GARIN2: variants seen among roughly 807,000 people sequenced by gnomAD.
The protein encoded by GARIN2 is Golgi-associated RAB2 interactor protein 2.
the GARIN2 span, among the ~76,000 whole-genome samples, chr14:67,193,940 G>A: frequency 2.1e-3 from 161 of 77,974 alleles, no homozygotes; most frequent in African/African-American, 0.014. Flanking sequence ...GCAAGACCCT[G>A]TCTCAAAAAA....
chr14:67,221,899 A>G, the GARIN2 span: 5 of 1,506,936 alleles, frequency 3.3e-6, no homozygotes, highest in Middle Eastern at 1.7e-4. Flanking sequence ...GCTAAGAGCA[A>G]AGGAATTCAG....
chr14:67,212,161 G>A, the GARIN2 span, among the ~76,000 whole-genome samples: 3 of 152,138 alleles, frequency 2.0e-5, no homozygotes, highest in African/African-American at 7.2e-5. Flanking sequence ...TACATTGTAA[G>A]GTTCTGAGAA....
the GARIN2 span, chr14:67,224,945 T>A: frequency 1.8e-6 from 1 of 565,708 alleles, no homozygotes; most frequent in East Asian, 3.4e-5. Context: ...TTGCAAAGAA[T>A]AAATACATTT....
the GARIN2 span, chr14:67,199,228 A>G: frequency 6.2e-7 from 1 of 1,604,876 alleles, no homozygotes; most frequent in African/African-American, 1.3e-5. Flanking sequence ...CACCAAGGCT[A>G]TGACTTTGTG....
At chr14:67,189,853 T>TG in the GARIN2 span, 1 of 147,178 alleles carries the variant, frequency 6.8e-6, no homozygotes, top group East Asian at 2.0e-4. Context: ...TTTTTTTTTT[T>TG]TTTTTGAGAC....
chr14:67,226,860 CTTG>C, the GARIN2 span, among the ~76,000 whole-genome samples: 2 of 152,182 alleles, frequency 1.3e-5, no homozygotes, highest in African/African-American at 2.4e-5. Flanking sequence ...TTCCCCTTAA[CTTG>C]TTGTATGGTG....
chr14:67,213,942 T>G, the GARIN2 span, among the ~76,000 whole-genome samples: 1 of 152,362 alleles, frequency 6.6e-6, no homozygotes, highest in East Asian at 1.9e-4. Context: ...TTCATGTGTT[T>G]TTTGGCTGCA....
the GARIN2 span, among the ~76,000 whole-genome samples, chr14:67,215,919 C>A: frequency 0.15 from 22,529 of 152,090 alleles, 3,122 homozygotes; most frequent in East Asian, 0.42. Flanking sequence ...TCTTTCCTTG[C>A]CCAAAACAAA....
the GARIN2 span, among the ~76,000 whole-genome samples, chr14:67,218,778 GTC>G: frequency 5.3e-5 from 8 of 151,946 alleles, no homozygotes; most frequent in African/African-American, 1.9e-4. Context: ...AGGTTCAGGG[GTC>G]TCTCTCATTT....
the GARIN2 span, chr14:67,199,791 C>T: frequency 6.6e-7 from 1 of 1,524,784 alleles, no homozygotes; most frequent in Non-Finnish European, 8.9e-7. Flanking sequence ...GGCTCCTTCC[C>T]ACCCCCAGTG....
the GARIN2 span, chr14:67,225,254 G>C: frequency 2.0e-6 from 3 of 1,512,072 alleles, no homozygotes; most frequent in Non-Finnish European, 1.8e-6. Flanking sequence ...AAACATGTAA[G>C]ACAAACTAAA....
chr14:67,211,585 A>G, the GARIN2 span, among the ~76,000 whole-genome samples: 1 of 152,234 alleles, frequency 6.6e-6, no homozygotes, highest in Non-Finnish European at 1.5e-5. Context: ...TTAAAGTAAA[A>G]ATTATTTTAA....
chr14:67,223,828 C>A, the GARIN2 span: 1 of 985,782 alleles, frequency 1.0e-6, no homozygotes, highest in South Asian at 4.7e-5. Flanking sequence ...ATCACCTGTT[C>A]CCCTTCCATA....
the GARIN2 span, among the ~76,000 whole-genome samples, chr14:67,209,710 C>T: frequency 7.4e-5 from 11 of 148,776 alleles, no homozygotes; most frequent in African/African-American, 2.2e-4. Flanking sequence ...CCCAGCTACT[C>T]GGGAGGCTGA....
At chr14:67,216,616 A>G in the GARIN2 span, among the ~76,000 whole-genome samples, 15 of 151,990 alleles carry the variant, frequency 9.9e-5, no homozygotes, top group Non-Finnish European at 2.2e-4. Flanking sequence ...TTCCATTTGT[A>G]TCAGTAAATT....
chr14:67,198,327 C>A, the GARIN2 span: 1 of 1,609,830 alleles, frequency 6.2e-7, no homozygotes. Context: ...CCAGGTAAAT[C>A]ATATTCAAGG....
the GARIN2 span, among the ~76,000 whole-genome samples, chr14:67,191,107 G>C: frequency 1.3e-5 from 2 of 152,088 alleles, no homozygotes; most frequent in African/African-American, 4.8e-5. Context: ...GGTGGCGGGC[G>C]CCTCTAATCC....
chr14:67,194,328 C>T, the GARIN2 span, among the ~76,000 whole-genome samples: 26 of 150,910 alleles, frequency 1.7e-4, no homozygotes, highest in African/African-American at 5.9e-4. Context: ...CACTCCATTG[C>T]ACTCCAGCCT....
the GARIN2 span, among the ~76,000 whole-genome samples, chr14:67,213,880 G>C: frequency 7.2e-5 from 11 of 152,192 alleles, no homozygotes; most frequent in Admixed American, 4.6e-4. Context: ...GATGGTATCT[G>C]ATTGTGGTTT....
Sources: gnomAD v4.1 joint callset for allele counts (sites outside exome capture counted in the v4.1 genomes callset) on GRCh38, gnomAD v4.1.1 for gene constraint, MANE v1.5 for transcripts, NCBI Gene and HGNC (gene_info 2026-07-23, HGNC 2026-07-21) for gene names.